RP1: variants seen among roughly 807,000 people sequenced by gnomAD.
The protein encoded by RP1 is RP1 axonemal microtubule associated, also known as oxygen-regulated protein 1.
Under a neutral mutation model 14.8 loss-of-function variants are expected in RP1, and 16 were observed. That is an observed-to-expected ratio of 1.08 (90% CI 0.73 to 1.65). The LOEUF is 1.65. Among genes scored for constraint, RP1 ranks in the 40% most tolerant of loss-of-function variants. RP1 has a pLI of 0.00. For synonymous variants in RP1, 876 were observed against 883.6 expected (o/e 0.99, Z 0.15); for missense variants, 2,631 against 2,535.0 (o/e 1.04, Z -0.81).
At chr8:54,697,182 CTT>C in intron 12 of RP1, 1 of 759,996 alleles carries the variant, frequency 1.3e-6, no homozygotes, top group Non-Finnish European at 2.2e-6. Context: ...CATGTGTTTC[CTT>C]TTTTTGGGGG....
chr8:54,565,027 A>T (rs893932729), intron 1 of RP1, among the ~76,000 whole-genome samples: 1 of 152,072 alleles, frequency 6.6e-6, no homozygotes, highest in Non-Finnish European at 1.5e-5. Context: ...AAGTGTTGGG[A>T]TTATAGGCGC....
intron 24 of RP1, among the ~76,000 whole-genome samples, chr8:54,804,397 G>A (rs1337386389): frequency 1.3e-5 from 2 of 152,312 alleles, no homozygotes; most frequent in Admixed American, 1.3e-4. Flanking sequence ...CATAACCCTT[G>A]TAGGGTAGAC....
intron 1 of RP1, among the ~76,000 whole-genome samples, chr8:54,580,909 G>T (rs183205249): frequency 6.6e-6 from 1 of 152,160 alleles, no homozygotes; most frequent in Admixed American, 6.5e-5. Flanking sequence ...GAGCAACTGC[G>T]CCTGGCCCAA....
downstream of RP1, among the ~76,000 whole-genome samples, chr8:54,632,444 G>GTA (rs1277598530): frequency 1.3e-5 from 2 of 152,184 alleles, no homozygotes. Context: ...CTTCTTTAAA[G>GTA]TGAACGTGTT....
At chr8:54,701,697 T>C in intron 14 of RP1, 1 of 1,516,766 alleles carries the variant, frequency 6.6e-7, no homozygotes, top group Non-Finnish European at 8.8e-7. Flanking sequence ...TTTATATTGC[T>C]AAATCCCAAC....
intron 15 of RP1, among the ~76,000 whole-genome samples, chr8:54,712,881 A>G (rs1308854437): frequency 1.3e-5 from 2 of 152,224 alleles, no homozygotes; most frequent in Admixed American, 1.3e-4. Flanking sequence ...GACTGGAATG[A>G]CATTACCCTT....
intron 27 of RP1, among the ~76,000 whole-genome samples, chr8:54,860,748 CAGGGCCTATGGTG>C (rs1168129298): frequency 6.6e-6 from 1 of 152,208 alleles, no homozygotes; most frequent in African/African-American, 2.4e-5. Context: ...TGCTCACAGG[CAGGGCCTATGGTG>C]ACAGACACAT....
chr8:54,673,920 T>G, exon 8 of RP1: 1 of 1,535,670 alleles, frequency 6.5e-7, no homozygotes, highest in Non-Finnish European at 8.7e-7. Context: ...CATGATGGAC[T>G]TGGCCCAGGT....
At chr8:54,646,197 T>A (rs990130691) in intron 3 of RP1, among the ~76,000 whole-genome samples, 2 of 152,082 alleles carry the variant, frequency 1.3e-5, no homozygotes, top group African/African-American at 4.8e-5. Context: ...CTTTAAAAGA[T>A]TATGGCATAA....
intron 1 of RP1, among the ~76,000 whole-genome samples, chr8:54,591,911 A>G (rs1469630426): frequency 6.6e-6 from 1 of 152,176 alleles, no homozygotes; most frequent in Non-Finnish European, 1.5e-5. Flanking sequence ...ACAGAAATGT[A>G]CCAGTTCTCT....
intron 23 of RP1, among the ~76,000 whole-genome samples, chr8:54,782,166 A>G (rs1810204500): frequency 6.6e-6 from 1 of 152,280 alleles, no homozygotes; most frequent in Middle Eastern, 3.4e-3. Context: ...TTAGATTTGC[A>G]TGTTTCTTAT....
In RP1 at chr8:54,582,753, C is replaced by G. The variant is rs1804826690; in HGVS notation, c.-13+23433C>G. ...AAGTTGGATTCCTAGGTATTTTATT[C>G]TCTTTGAAGCAATTGTGAATGGGAG... On this transcript the variant is annotated intron_variant, in intron 1 of 22. Transcript: ENST00000636932. Among the ~76,000 whole-genome samples the G allele has an allele frequency of 3.9e-5, 6 of 152,040 alleles. 1 individual carries two copies. Among genetic ancestry groups the G allele is most frequent in the Admixed American group, 3.9e-4 (6 of 15,252 alleles).
chr8:54,608,446 T>C (rs760096945), intron 1 of RP1, among the ~76,000 whole-genome samples: 4 of 152,226 alleles, frequency 2.6e-5, no homozygotes, highest in African/African-American at 9.6e-5. Flanking sequence ...GGCAGTTATT[T>C]GTGCCTGACT....
chr8:54,722,116 G>A (rs1452019282), intron 16 of RP1, among the ~76,000 whole-genome samples: 1 of 151,586 alleles, frequency 6.6e-6, no homozygotes, highest in Non-Finnish European at 1.5e-5. Flanking sequence ...GGTGGTGCAC[G>A]CCTGTAATCC....
chr8:54,855,238 A>C (rs1225287106), intron 26 of RP1, among the ~76,000 whole-genome samples: 1 of 152,128 alleles, frequency 6.6e-6, no homozygotes, highest in Non-Finnish European at 1.5e-5. Context: ...GACAGGATTT[A>C]TTTCCTTCGC....
chr8:54,695,481 G>GA (rs946667941), intron 12 of RP1, among the ~76,000 whole-genome samples: 1 of 151,734 alleles, frequency 6.6e-6, no homozygotes, highest in Non-Finnish European at 1.5e-5. Flanking sequence ...AGTTCTTACT[G>GA]AAAAAAATAA....
chr8:54,755,701 G>A lies in RP1; in HGVS notation c.3024G>A (p.Gly1008=), dbSNP rs1240679866. 10 of 1,535,630 alleles carry A rather than the reference G, an allele frequency of 6.5e-6. No homozygotes were observed. In the Admixed American group the frequency reaches 1.8e-4, roughly 27 times the overall value. ...CTGAGGTTTTCCTCTGTCTCTTTGG[G>A]GAGAGGGGAGACTCTGGCCTCAGAC... The change falls in exon 21 of 23, where the codon GGG becomes GGA. Residue 1008 remains glycine (G), a synonymous_variant. Transcript: ENST00000636932.
intron 22 of RP1, among the ~76,000 whole-genome samples, chr8:54,766,857 C>G (rs1353426457): frequency 6.6e-6 from 1 of 152,174 alleles, no homozygotes; most frequent in Non-Finnish European, 1.5e-5. Flanking sequence ...CTGGTGGCTG[C>G]AGAGAATGGA....
intron 24 of RP1, among the ~76,000 whole-genome samples, chr8:54,798,301 C>T (rs1401514648): frequency 6.6e-6 from 1 of 152,096 alleles, no homozygotes; most frequent in Admixed American, 6.6e-5. Flanking sequence ...CATGAACCAC[C>T]ACACCCAACT....
Sources: gnomAD v4.1 joint callset for allele counts (sites outside exome capture counted in the v4.1 genomes callset) on GRCh38, gnomAD v4.1.1 for gene constraint, MANE v1.5 for transcripts, NCBI Gene and HGNC (gene_info 2026-07-23, HGNC 2026-07-21) for gene names.